The following STS variants were observed in gnomAD, a reference collection of about 807,000 sequenced individuals.
The protein encoded by STS is steroid sulfatase.
Under a neutral mutation model 26.8 loss-of-function variants are expected in STS, and 7 were observed. That is an observed-to-expected ratio of 0.26 (90% confidence interval 0.15 to 0.49). The LOEUF (loss-of-function observed/expected upper bound fraction) is 0.49. STS is among the 20% of genes least tolerant of loss of function. The probability of loss-of-function intolerance (pLI) is 0.98; values close to 1 mark genes in which losing one functional copy is unlikely to be tolerated. For synonymous variants in STS, 199 were observed against 189.4 expected (o/e 1.05, Z -0.42); for missense variants, 434 against 465.6 (o/e 0.93, Z 0.63).
intron 5 of STS, among the ~76,000 whole-genome samples, chrX:7,258,267 G>GGATAGATAGATAGATA (rs55667371): frequency 3.8e-4 from 39 of 102,177 alleles, no homozygotes; most frequent in African/African-American, 1.3e-3. Flanking sequence ...ATAGATGGTT[G>GGATAGATAGATAGATA]GATAGATAGA....
intron 10 of STS, 140 bp downstream of exon 10, chrX:7,334,247 T>C: frequency 1.1e-6 from 1 of 889,397 alleles, no homozygotes; most frequent in Non-Finnish European, 1.6e-6. Flanking sequence ...CTTTGCTTTG[T>C]CCTCTTTTCC....
At chrX:7,177,806 C>G (rs1933602730) in intron 1 of STS, among the ~76,000 whole-genome samples, 1 of 110,866 alleles carries the variant, frequency 9.0e-6, no homozygotes, top group Admixed American at 9.7e-5. Flanking sequence ...CCACCATGCC[C>G]AGCCTTAAAT....
At chrX:7,308,770 C>A (rs1488963249) in intron 8 of STS, among the ~76,000 whole-genome samples, 1 of 112,019 alleles carries the variant, frequency 8.9e-6, no homozygotes, top group Non-Finnish European at 1.9e-5. Context: ...CAGTGAAACA[C>A]TGTTAAAATA....
intron 2 of STS, among the ~76,000 whole-genome samples, chrX:7,223,693 C>T (rs1921675464): frequency 9.2e-6 from 1 of 108,666 alleles, no homozygotes; most frequent in Admixed American, 9.9e-5. Flanking sequence ...AATTTTTTTT[C>T]CATTCTGTAG....
intron 3 of STS, among the ~76,000 whole-genome samples, chrX:7,255,142 A>G (rs1923347010): frequency 8.9e-6 from 1 of 112,402 alleles, no homozygotes; most frequent in Admixed American, 9.4e-5. Flanking sequence ...CTTTGCATCA[A>G]ATGTTGCTTT....
intron 2 of STS, among the ~76,000 whole-genome samples, chrX:7,215,138 C>CACATATATAT (rs1356263612): frequency 7.8e-4 from 70 of 90,301 alleles, no homozygotes; most frequent in African/African-American, 2.8e-3. Flanking sequence ...CACACACACA[C>CACATATATAT]ATATATATAT....
intron 1 of STS, among the ~76,000 whole-genome samples, chrX:7,185,458 C>T (rs1216994749): frequency 8.9e-6 from 1 of 112,863 alleles, no homozygotes; most frequent in African/African-American, 3.2e-5. Flanking sequence ...GGCCCATGGC[C>T]ATACTTAGCT....
At chrX:7,272,053 C>T (rs1272158828) in intron 6 of STS, among the ~76,000 whole-genome samples, 1 of 109,982 alleles carries the variant, frequency 9.1e-6, no homozygotes, top group African/African-American at 3.3e-5. Context: ...GGTATATTAA[C>T]ATTAGCAAAA....
chrX:7,157,165 G>A (rs969388513), intron 1 of STS, among the ~76,000 whole-genome samples: 7 of 111,835 alleles, frequency 6.3e-5, no homozygotes, highest in African/African-American at 1.6e-4. Context: ...TGTGAGCACC[G>A]TGTTGCTCTC....
At chrX:7,279,855 C>G (rs1924774876) in intron 7 of STS, among the ~76,000 whole-genome samples, 1 of 110,654 alleles carries the variant, frequency 9.0e-6, no homozygotes, top group South Asian at 3.9e-4. Context: ...AGCATCTTAC[C>G]TCATTTTGTG....
rs769097559 is a variant in STS, at chrX:7,220,543, A to ATT, written c.-5+29557_-5+29558dup. On this transcript the variant is annotated intron_variant, in intron 2 of 10. Coordinates refer to ENST00000674429, the MANE Select transcript of STS (RefSeq NM_001320752.2). ...ATTCCTAAGAAATCCTGGATGTCAG[A>ATT]TTTTTTTTTTTTTTTTTTTTTTTGA... Among the ~76,000 whole-genome samples, 542 of 64,904 alleles carry ATT rather than the reference A, an allele frequency of 8.4e-3. 19 individuals are homozygous for ATT. The highest frequency in any genetic ancestry group is 0.026 in the African/African-American group (401 of 15,658). 56.4% of individuals were successfully genotyped at this position (64,904 alleles called of 115,157 possible). A position where few individuals can be genotyped will look rare whatever the true frequency, so the allele number is the denominator to read the frequency against.
chrX:7,288,593 T>A (rs1333501263), intron 7 of STS, among the ~76,000 whole-genome samples: 1 of 109,669 alleles, frequency 9.1e-6, no homozygotes, highest in African/African-American at 3.4e-5. Flanking sequence ...TGTATATGGC[T>A]TCATGCTTTA....
intron 6 of STS, among the ~76,000 whole-genome samples, chrX:7,267,834 T>C (rs1332425554): frequency 8.9e-6 from 1 of 112,303 alleles, no homozygotes; most frequent in Non-Finnish European, 1.9e-5. Context: ...TATTTTGAGA[T>C]ATTTTAATTA....
At chrX:7,168,211 C>G (rs754655901) in intron 1 of STS, among the ~76,000 whole-genome samples, 2 of 110,827 alleles carry the variant, frequency 1.8e-5, no homozygotes, top group Admixed American at 9.6e-5. Context: ...AACTCTGCTT[C>G]CCACGAGTGC....
chrX:7,230,964 G>C (rs1391591505), intron 2 of STS, among the ~76,000 whole-genome samples: 1 of 111,936 alleles, frequency 8.9e-6, no homozygotes, highest in African/African-American at 3.2e-5. Context: ...ACAGAAGCCA[G>C]ATACAAAAGG....
At chrX:7,253,061 G>T in intron 2 of STS, 135 bp from the exon 3 acceptor site, 1 of 696,174 alleles carries the variant, frequency 1.4e-6, no homozygotes, top group Non-Finnish European at 2.2e-6. Context: ...TGAGACAGGA[G>T]GATCGCTTAA....
At chrX:7,178,381 G>C (rs1411524385) in intron 1 of STS, among the ~76,000 whole-genome samples, 1 of 111,754 alleles carries the variant, frequency 8.9e-6, no homozygotes, top group Non-Finnish European at 1.9e-5. Flanking sequence ...ACCTAATTTA[G>C]AGGAAAAGAT....
intron 2 of STS, among the ~76,000 whole-genome samples, chrX:7,233,666 C>A (rs1346424336): frequency 8.9e-6 from 1 of 111,737 alleles, no homozygotes; most frequent in Non-Finnish European, 1.9e-5. Context: ...AAAAGAGCAG[C>A]AATTATGAGA....
chrX:7,330,474 T>A (rs753721591), intron 9 of STS, among the ~76,000 whole-genome samples: 45 of 112,058 alleles, frequency 4.0e-4, no homozygotes, highest in Non-Finnish European at 7.9e-4. Context: ...ATTTTAGAGG[T>A]GAAATATTTA....
Sources: allele counts gnomAD v4.1 joint callset (sites outside exome capture counted in the v4.1 genomes callset), GRCh38; gene constraint gnomAD v4.1.1; transcripts MANE v1.5; gene names NCBI Gene and HGNC (gene_info 2026-07-23, HGNC 2026-07-21).